The following GSE1 variants were observed in gnomAD, a reference collection of about 807,000 sequenced individuals.
GSE1 encodes Gse1 coiled-coil protein.
In GSE1, 32 loss-of-function variants were observed where a neutral mutation model predicts 112.6. The ratio of observed to expected loss-of-function variants is 0.28; its 90% CI spans 0.21 to 0.38. The LOEUF is 0.38. GSE1 is among the 10% of genes least tolerant of loss of function. GSE1 has a pLI of 1.00. For synonymous variants in GSE1, 1,115 were observed against 735.6 expected (o/e 1.52, Z -8.35); for missense variants, 2,348 against 1,699.2 (o/e 1.38, Z -6.71).
At position 85,672,555 on chromosome 16, in the gene GSE1, T is replaced by G. The variant is rs993578528; in HGVS notation, c.*16T>G. The G allele has an allele frequency of 1.3e-6, 2 of 1,569,236 alleles. No individual in the cohort carries two copies. Among genetic ancestry groups the G allele is most frequent in the Non-Finnish European group, 1.7e-6 (2 of 1,146,522 alleles). ...TCCCAGGTGACGGTTTCCCTTGCAC[T>G]AGGCCGAACCTATAGTATAGAAATA... is the stretch of plus-strand genomic sequence containing the variant. On this transcript the variant is annotated 3_prime_UTR_variant, in exon 16 of 16. Coordinates refer to ENST00000253458, the MANE Select transcript of GSE1 (RefSeq NM_014615.5).
chr16:85,313,094 C>G (rs567620876), intron 1 of GSE1, among the ~76,000 whole-genome samples: 57 of 152,294 alleles, frequency 3.7e-4, no homozygotes, highest in African/African-American at 1.0e-3. Context: ...TCAGCCCTGG[C>G]CACAGCAGGA....
At chr16:85,614,374 G>A (rs933676086) in intron 1 of GSE1, among the ~76,000 whole-genome samples, 2 of 152,098 alleles carry the variant, frequency 1.3e-5, no homozygotes, top group African/African-American at 2.4e-5. Flanking sequence ...TGGAGGCGGA[G>A]CGGGAGTGGA....
chr16:85,465,716 A>G (rs888599079), intron 2 of GSE1, among the ~76,000 whole-genome samples: 2 of 152,268 alleles, frequency 1.3e-5, no homozygotes, highest in South Asian at 4.1e-4. Flanking sequence ...TGTTTTTCTC[A>G]GTGGAATTCA....
intron 2 of GSE1, among the ~76,000 whole-genome samples, chr16:85,399,381 T>C (rs2048041083): frequency 6.6e-6 from 1 of 152,136 alleles, no homozygotes; most frequent in Non-Finnish European, 1.5e-5. Flanking sequence ...CTCCACGGCC[T>C]TCAGAGTGTC....
At chr16:85,487,301 G>T (rs536179089) in intron 2 of GSE1, among the ~76,000 whole-genome samples, 2 of 152,162 alleles carry the variant, frequency 1.3e-5, no homozygotes, top group African/African-American at 4.8e-5. Flanking sequence ...CTCCCGTCAC[G>T]TGGCGAGCTA....
chr16:85,564,771 G>C (rs1458397923), intron 1 of GSE1, among the ~76,000 whole-genome samples: 1 of 152,212 alleles, frequency 6.6e-6, no homozygotes, highest in Non-Finnish European at 1.5e-5. Context: ...GAGGGAGCCT[G>C]TGCGGAAGGG....
chr16:85,198,935 C>T lies in GSE1; in HGVS notation c.2283+27128C>T, dbSNP rs1036935237. 1.1e-4 allele frequency among the ~76,000 whole-genome samples: 17 copies of T among 151,720 alleles called. No individual in the cohort carries two copies. The East Asian group carries it at 2.7e-3, about 24-fold the overall frequency. ...CTGGGACTACAGGCATGCACCACCA[C>T]ACCCGGCTAATTTTTTTTTTTTTTT... is the stretch of plus-strand genomic sequence containing the variant. On this transcript the variant is annotated intron_variant, in intron 1 of 2. Transcript: ENST00000637419.
chr16:85,280,645 C>G (rs919349226), intron 1 of GSE1, among the ~76,000 whole-genome samples: 2 of 152,226 alleles, frequency 1.3e-5, no homozygotes, highest in African/African-American at 2.4e-5. Context: ...ATCCGCCCAC[C>G]TCAGCCTCCC....
rs1449891768 is a variant in GSE1 at position 85,675,020 on chromosome 16, A to C, written c.*2481A>C. On this transcript the variant is annotated 3_prime_UTR_variant, in exon 16 of 16. Coordinates refer to ENST00000253458, the MANE Select transcript of GSE1 (RefSeq NM_014615.5). ...CAAAAACGAAAGCACACCACCCAAG[A>C]CACAGTACCCAGTCATGGTTTCCCC... The C allele has an allele frequency of 6.6e-6, 1 of 152,540 alleles. No homozygotes were observed. The highest frequency in any genetic ancestry group is 1.5e-5 in the Non-Finnish European group (1 of 68,050). 9.4% of individuals were successfully genotyped at this position (152,540 alleles called of 1,614,324 possible). A position where few individuals can be genotyped will look rare whatever the true frequency, so the allele number is the denominator to read the frequency against.
chr16:85,239,002 A>G (rs1401963621), intron 1 of GSE1, among the ~76,000 whole-genome samples: 1 of 151,872 alleles, frequency 6.6e-6, no homozygotes, highest in African/African-American at 2.4e-5. Flanking sequence ...ATCTCGGCTC[A>G]CTGCAACCTC....
At chr16:85,560,482 G>A (rs770805934) in intron 1 of GSE1, among the ~76,000 whole-genome samples, 17 of 152,094 alleles carry the variant, frequency 1.1e-4, no homozygotes, top group Admixed American at 2.6e-4. Context: ...GCCTCTTGCC[G>A]CCATGGTTGT....
intron 1 of GSE1, among the ~76,000 whole-genome samples, chr16:85,599,001 T>A (rs1427524114): frequency 6.6e-6 from 1 of 152,220 alleles, no homozygotes; most frequent in Non-Finnish European, 1.5e-5. Context: ...CTCAATTATT[T>A]TTCTTGGATG....
At chr16:85,332,437 C>G (rs1053472489) in intron 1 of GSE1, among the ~76,000 whole-genome samples, 1 of 152,236 alleles carries the variant, frequency 6.6e-6, no homozygotes, top group Non-Finnish European at 1.5e-5. Flanking sequence ...AATGTCCCCA[C>G]TTTCCAGATG....
intron 1 of GSE1, among the ~76,000 whole-genome samples, chr16:85,352,655 C>T (rs1278948211): frequency 6.6e-6 from 1 of 152,216 alleles, no homozygotes; most frequent in Non-Finnish European, 1.5e-5. Context: ...AAGGGGGGCC[C>T]TTTGCCTCTG....
At chr16:85,255,280 G>A (rs1004253147) in intron 1 of GSE1, among the ~76,000 whole-genome samples, 1 of 152,196 alleles carries the variant, frequency 6.6e-6, no homozygotes, top group Non-Finnish European at 1.5e-5. Context: ...GCCTGGGCTT[G>A]GGAGGCCTGA....
In GSE1 at chr16:85,506,095, G is replaced by A. The variant is rs189821877; in HGVS notation, c.2465-127819G>A. Among the ~76,000 whole-genome samples, 6 of 152,294 alleles carry A rather than the reference G, an allele frequency of 3.9e-5. No homozygotes were observed. The East Asian group carries it at 9.6e-4, about 24-fold the overall frequency. On this transcript the variant is annotated intron_variant, in intron 2 of 2. Coordinates refer to the GSE1 transcript ENST00000637419. ...CGAACCAGGCACCCACCCCCGGGGA[G>A]GTGACCTGCAGACACCAGCTATTGT...
chr16:85,431,875 A>C (rs530956664), intron 2 of GSE1, among the ~76,000 whole-genome samples: 1 of 152,218 alleles, frequency 6.6e-6, no homozygotes, highest in Non-Finnish European at 1.5e-5. Context: ...ATTAATTGCA[A>C]TTAGCTAGCG....
chr16:85,506,760 C>A (rs76413429), intron 2 of GSE1, among the ~76,000 whole-genome samples: 20,305 of 152,058 alleles, frequency 0.13, 1,542 homozygotes, highest in East Asian at 0.31. Context: ...TTCATTCATT[C>A]ATTCATCAGC....
intron 1 of GSE1, among the ~76,000 whole-genome samples, chr16:85,199,395 C>T (rs2074987361): frequency 6.6e-6 from 1 of 152,166 alleles, no homozygotes; most frequent in Non-Finnish European, 1.5e-5. Flanking sequence ...TGTGGGGTTT[C>T]TTCTGTCCAC....
Sources: gnomAD v4.1 joint callset for allele counts (sites outside exome capture counted in the v4.1 genomes callset) on GRCh38, gnomAD v4.1.1 for gene constraint, MANE v1.5 for transcripts, NCBI Gene and HGNC (gene_info 2026-07-23, HGNC 2026-07-21) for gene names.